Variants in CFAP99 observed in about 807,000 individuals in gnomAD.
The protein encoded by CFAP99 is cilia and flagella associated protein 99.
Under a neutral mutation model 82.7 loss-of-function variants are expected in CFAP99, and 84 were observed. That is an observed-to-expected ratio of 1.02 (90% CI 0.85 to 1.22). CFAP99 has a LOEUF of 1.22. Among genes scored for constraint, CFAP99 ranks in the 50% most tolerant of loss-of-function variants. The probability of loss-of-function intolerance (pLI) is 0.00; values close to 1 mark genes in which losing one functional copy is unlikely to be tolerated. For synonymous variants in CFAP99, 456 were observed against 429.5 expected, an observed-to-expected ratio of 1.06 and a Z score of -0.76; for missense variants, 1,059 against 983.5, an observed-to-expected ratio of 1.08 and a Z score of -1.03.
intron 2 of CFAP99, among the ~76,000 whole-genome samples, chr4:2,431,553 CAT>C (rs879781796): frequency 2.6e-5 from 4 of 152,054 alleles, no homozygotes; most frequent in Admixed American, 6.6e-5. Flanking sequence ...CAAGAAGACA[CAT>C]GTTCTTGCTA....
chr4:2,433,584 C>G (rs989789697), intron 2 of CFAP99, among the ~76,000 whole-genome samples: 7 of 152,210 alleles, frequency 4.6e-5, no homozygotes, highest in Non-Finnish European at 1.0e-4. Flanking sequence ...CCACCGAGCC[C>G]CCTCTCCATG....
Position 2,460,258 on chromosome 4 carries a change from G to A in CFAP99, c.1661+16G>A, listed in dbSNP as rs549219198. The A allele has an allele frequency of 7.7e-5, 118 of 1,535,006 alleles. No individual in the cohort carries two copies. Among genetic ancestry groups the A allele is most frequent in the African/African-American group, 1.9e-4 (14 of 73,112 alleles). On this transcript the variant is annotated intron_variant, in intron 14 of 14. Transcript: ENST00000635017. The stretch of plus-strand genomic sequence containing the variant: ...CAGCCTTGAGGTTGGTACTGGGCTC[G>A]GGGAGGGTGCCTCTGGGTGGACAGG...
intron 11 of CFAP99, among the ~76,000 whole-genome samples, chr4:2,453,928 C>T (rs1734364701): frequency 6.6e-6 from 1 of 151,406 alleles, no homozygotes; most frequent in Admixed American, 6.6e-5. Context: ...ATTCTCCTGC[C>T]TCAGTCTCCT....
Position 2,452,282 on chromosome 4 carries a change from C to CCGTCCTAG in CFAP99, c.1099_1106dup (p.Arg370SerfsTer2). On this transcript the variant is annotated frameshift_variant, in exon 11 of 15. Coordinates refer to ENST00000635017, the Ensembl canonical transcript of CFAP99. LOFTEE classifies it high-confidence loss of function. ...CAAGGGAAGCTTAGCCATGAGGAGG[C>CCGTCCTAG]CGTCCTAGCCCGGCAGAGCCTCATG... 3 of 1,535,770 alleles carry CCGTCCTAG rather than the reference C, an allele frequency of 2.0e-6. No individual in the cohort carries two copies. Among genetic ancestry groups the CCGTCCTAG allele is most frequent in the Non-Finnish European group, 2.6e-6 (3 of 1,146,880 alleles).
intron 9 of CFAP99, 27 bp from the exon 10 acceptor site, chr4:2,451,237 C>T: frequency 6.5e-7 from 1 of 1,535,030 alleles, no homozygotes; most frequent in Non-Finnish European, 8.7e-7. Context: ...CTCAAGCCCC[C>T]ACCACAGCCA....
In CFAP99 at chr4:2,448,190, C is replaced by G. The variant is rs1015363298; in HGVS notation, c.643-1480C>G. 6.6e-6 allele frequency among the ~76,000 whole-genome samples: 1 copy of G among 152,178 alleles called. No individual in the cohort carries two copies. The highest frequency in any genetic ancestry group is 1.5e-5 in the Non-Finnish European group (1 of 68,030). Reference sequence around the variant, plus strand: ...CTGAGCAACCCCACAGTTGCCCCATCTGTATAATCTTCAGCATTTCTGACC... The same window carrying G: ...CTGAGCAACCCCACAGTTGCCCCATGTGTATAATCTTCAGCATTTCTGACC... On this transcript the variant is annotated intron_variant, in intron 6 of 14. Transcript: ENST00000635017. The surrounding 1 kb of genome is among the most constrained non-coding windows in gnomAD (Gnocchi z 5.2).
At chr4:2,455,724 G>A (rs1378617771) in intron 11 of CFAP99, among the ~76,000 whole-genome samples, 1 of 152,094 alleles carries the variant, frequency 6.6e-6, no homozygotes, top group Non-Finnish European at 1.5e-5. Flanking sequence ...CTCACACCAG[G>A]TTACACAGGG....
intron 4 of CFAP99, among the ~76,000 whole-genome samples, chr4:2,439,882 C>T (rs1021238876): frequency 2.0e-5 from 3 of 151,784 alleles, no homozygotes; most frequent in Admixed American, 6.6e-5. Flanking sequence ...CTCGCTCTGT[C>T]GCCCAGGCTG....
At chr4:2,445,184 G>C (rs1734132406) in exon 6 of CFAP99, 2 of 1,432,564 alleles carry the variant, frequency 1.4e-6, no homozygotes, top group African/African-American at 1.5e-5. Context: ...GTGTCTGCCA[G>C]TCAATCCTCT....
At chr4:2,456,844 C>T (rs1403935583) in intron 11 of CFAP99, among the ~76,000 whole-genome samples, 1 of 151,988 alleles carries the variant, frequency 6.6e-6, no homozygotes, top group African/African-American at 2.4e-5. Context: ...AATCTGTTAT[C>T]ACTGTGAAAT....
intron 4 of CFAP99, among the ~76,000 whole-genome samples, chr4:2,441,705 C>G (rs566504883): frequency 6.6e-6 from 1 of 152,234 alleles, no homozygotes; most frequent in Admixed American, 6.5e-5. Context: ...ACACCCCATG[C>G]CCCGCTGGGC....
At chr4:2,431,983 T>C (rs1560378952) in intron 2 of CFAP99, among the ~76,000 whole-genome samples, 1 of 152,232 alleles carries the variant, frequency 6.6e-6, no homozygotes, top group Admixed American at 6.5e-5. Flanking sequence ...CGGTGTCTGT[T>C]AGGAAACTGT....
chr4:2,433,674 G>A (rs1253723097), intron 2 of CFAP99, among the ~76,000 whole-genome samples: 2 of 152,172 alleles, frequency 1.3e-5, no homozygotes, highest in Non-Finnish European at 2.9e-5. Flanking sequence ...TCTGGCGAGC[G>A]CCCAGGTGGC....
chr4:2,441,078 A>T (rs929161956), intron 4 of CFAP99, among the ~76,000 whole-genome samples: 6 of 149,350 alleles, frequency 4.0e-5, no homozygotes, highest in African/African-American at 1.2e-4. Flanking sequence ...AATAATAATA[A>T]TATAATAATA....
intron 13 of CFAP99, 134 bp from the exon 14 acceptor site, chr4:2,459,903 A>G (rs574488658): frequency 1.3e-5 from 10 of 754,626 alleles, no homozygotes; most frequent in Admixed American, 2.1e-5. Context: ...GGCTGGGGGC[A>G]TGTTTCATAA....
chr4:2,461,093 G>A (rs1024862311), intron 14 of CFAP99, among the ~76,000 whole-genome samples: 1 of 152,166 alleles, frequency 6.6e-6, no homozygotes, highest in Non-Finnish European at 1.5e-5. Context: ...GGATCTAGTT[G>A]AGGGTTGCAG....
At chr4:2,438,372 C>G (rs1300732216) in intron 4 of CFAP99, among the ~76,000 whole-genome samples, 1 of 152,176 alleles carries the variant, frequency 6.6e-6, no homozygotes, top group South Asian at 2.1e-4. Context: ...ATACCATTCT[C>G]CTGCCTCAGC....
intron 4 of CFAP99, among the ~76,000 whole-genome samples, chr4:2,438,507 C>T (rs562741214): frequency 1.3e-5 from 2 of 152,256 alleles, no homozygotes; most frequent in Middle Eastern, 3.4e-3. Flanking sequence ...CGTGATCCGC[C>T]CGCCTCGGCC....
rs1395476687 is a variant in CFAP99, at chr4:2,462,280, C to T, written c.1662-163C>T. The T allele has an allele frequency of 6.7e-6, 4 of 597,230 alleles. No homozygotes were observed. In the South Asian group the frequency reaches 8.2e-5, roughly 12 times the overall value. The allele number at this position is 597,230 out of a possible 1,614,324, so 37.0% of individuals were successfully genotyped here. On this transcript the variant is annotated intron_variant, in intron 14 of 14. Transcript: ENST00000635017. This position sits in a 1 kb window ranked among gnomAD's most constrained non-coding sequence, Gnocchi z 4.1. ...CCTGAGCGGTGGTACTGTCTAGGAG[C>T]GCGCCGCGGCCCCTGGGCCTCGCTG...
Sources: gnomAD v4.1 joint callset for allele counts (sites outside exome capture counted in the v4.1 genomes callset) on GRCh38, gnomAD v4.1.1 for gene constraint, Gnocchi (gnomAD v3.1) non-coding constraint, MANE v1.5 for transcripts, NCBI Gene and HGNC (gene_info 2026-07-23, HGNC 2026-07-21) for gene names.